Variants in ZC3H12B observed in about 807,000 individuals in gnomAD.
ZC3H12B encodes the protein zinc finger CCCH-type containing 12B.
Under a neutral mutation model 43.9 loss-of-function variants are expected in ZC3H12B, and 7 were observed. That is an observed-to-expected ratio of 0.16 (90% CI 0.09 to 0.30). The LOEUF (loss-of-function observed/expected upper bound fraction) is 0.30. ZC3H12B is among the 10% of genes least tolerant of loss of function. ZC3H12B has a pLI of 1.00. For missense variants in ZC3H12B, 475 were observed against 670.2 expected (o/e 0.71, Z 3.22); for synonymous variants, 222 against 241.7 (o/e 0.92, Z 0.76).
At chrX:65,167,857 A>T in the ZC3H12B span, among the ~76,000 whole-genome samples, 2 of 111,828 alleles carry the variant, frequency 1.8e-5, no homozygotes, top group Admixed American at 1.9e-4. Context: ...GGTGTATAAG[A>T]ATGCTTGTGA....
chrX:65,239,508 C>T, the ZC3H12B span, among the ~76,000 whole-genome samples: 1 of 110,400 alleles, frequency 9.1e-6, no homozygotes, highest in Admixed American at 9.6e-5. Flanking sequence ...AGACAGCATA[C>T]TGATGGGTCT....
At chrX:65,407,981 C>T (rs2066855852) in intron 3 of ZC3H12B, 1 of 1,009,961 alleles carries the variant, frequency 9.9e-7, no homozygotes, top group Admixed American at 3.4e-5. Context: ...CTCCCCGCTT[C>T]TGCCTGGCTT....
the ZC3H12B span, among the ~76,000 whole-genome samples, chrX:65,173,649 CA>C: frequency 9.0e-6 from 1 of 111,697 alleles, no homozygotes; most frequent in Admixed American, 9.6e-5. Context: ...TGAATTTTAT[CA>C]AAGGCCTTTT....
At chrX:65,306,636 A>G in the ZC3H12B span, among the ~76,000 whole-genome samples, 2 of 111,722 alleles carry the variant, frequency 1.8e-5, no homozygotes, top group Non-Finnish European at 3.8e-5. Context: ...CGGCCTCCCA[A>G]AGTGCTAGGA....
the ZC3H12B span, among the ~76,000 whole-genome samples, chrX:65,090,815 T>C: frequency 1.4e-4 from 16 of 111,684 alleles, no homozygotes; most frequent in African/African-American, 5.2e-4. Context: ...CTGGTGGAAG[T>C]GATTGGATCA....
chrX:65,157,524 C>G, the ZC3H12B span, among the ~76,000 whole-genome samples: 1 of 111,587 alleles, frequency 9.0e-6, no homozygotes. Context: ...CACCAGCTTT[C>G]TGTCAGCTAG....
chrX:65,339,349 A>C, the ZC3H12B span, among the ~76,000 whole-genome samples: 1 of 111,778 alleles, frequency 8.9e-6, no homozygotes, highest in Non-Finnish European at 1.9e-5. Context: ...CTTTGGGGAA[A>C]TGGGTGAATT....
At chrX:65,383,832 C>A (rs2066480653) in intron 2 of ZC3H12B, among the ~76,000 whole-genome samples, 1 of 110,353 alleles carries the variant, frequency 9.1e-6, no homozygotes, top group African/African-American at 3.3e-5. Context: ...CCATTTCACA[C>A]CAGTTAGAAT....
the ZC3H12B span, among the ~76,000 whole-genome samples, chrX:65,313,049 T>C: frequency 6.3e-5 from 7 of 110,523 alleles, no homozygotes; most frequent in Non-Finnish European, 1.3e-4. Flanking sequence ...ACCTGGCTCA[T>C]TTTTGTATTT....
At chrX:65,311,636 A>T in the ZC3H12B span, among the ~76,000 whole-genome samples, 2 of 111,789 alleles carry the variant, frequency 1.8e-5, no homozygotes, top group Non-Finnish European at 3.8e-5. Flanking sequence ...CAGCGATCCC[A>T]TTACTGTATA....
At chrX:65,244,745 A>AAAAAAAG in the ZC3H12B span, among the ~76,000 whole-genome samples, 1 of 108,137 alleles carries the variant, frequency 9.2e-6, no homozygotes, top group Non-Finnish European at 1.9e-5. Context: ...AAAAAAAAAA[A>AAAAAAAG]AAAAAAGAAA....
the ZC3H12B span, among the ~76,000 whole-genome samples, chrX:65,209,982 C>T: frequency 5.2e-5 from 4 of 76,540 alleles, no homozygotes; most frequent in East Asian, 1.4e-3. Context: ...AAAACCTAGG[C>T]ATTACCATTC....
At chrX:65,417,892 C>T (rs1306798234) in intron 3 of ZC3H12B, among the ~76,000 whole-genome samples, 3 of 112,237 alleles carry the variant, frequency 2.7e-5, no homozygotes, top group Non-Finnish European at 3.8e-5. Context: ...ACATACTATC[C>T]ACTCCAAGTG....
At chrX:65,374,334 C>T (rs1222385357) in intron 2 of ZC3H12B, among the ~76,000 whole-genome samples, 1 of 96,220 alleles carries the variant, frequency 1.0e-5, no homozygotes, top group Non-Finnish European at 2.0e-5. Flanking sequence ...TGCTCACTAC[C>T]TGGGTGACAG....
chrX:65,161,213 G>A, the ZC3H12B span, among the ~76,000 whole-genome samples: 1 of 111,205 alleles, frequency 9.0e-6, no homozygotes, highest in South Asian at 3.8e-4. Flanking sequence ...GGTATGGTGT[G>A]ATGCTGAAAA....
At chrX:65,217,074 T>TC in the ZC3H12B span, among the ~76,000 whole-genome samples, 7,207 of 111,077 alleles carry the variant, frequency 0.065, 279 homozygotes, top group Non-Finnish European at 0.1. Context: ...TTATTGCTTC[T>TC]CCCCCAACTC....
chrX:65,439,661 C>T (rs2067275927), intron 3 of ZC3H12B, among the ~76,000 whole-genome samples: 1 of 111,918 alleles, frequency 8.9e-6, no homozygotes, highest in Non-Finnish European at 1.9e-5. Flanking sequence ...TTATTACCAG[C>T]CCTTATTGAA....
At chrX:65,230,683 C>A in the ZC3H12B span, among the ~76,000 whole-genome samples, 1 of 108,834 alleles carries the variant, frequency 9.2e-6, no homozygotes, top group African/African-American at 3.4e-5. Flanking sequence ...TTATATTCAG[C>A]GTTTTTCTTC....
the ZC3H12B span, among the ~76,000 whole-genome samples, chrX:65,094,025 GC>G: frequency 9.0e-6 from 1 of 110,618 alleles, no homozygotes; most frequent in Non-Finnish European, 1.9e-5. Context: ...TGGATTGTTA[GC>G]ACCATTCCTT....
Sources: gnomAD v4.1 joint callset for allele counts (sites outside exome capture counted in the v4.1 genomes callset) on GRCh38, gnomAD v4.1.1 for gene constraint, MANE v1.5 for transcripts, NCBI Gene and HGNC (gene_info 2026-07-23, HGNC 2026-07-21) for gene names.